The following MORC2 variants were observed in gnomAD, a reference collection of about 807,000 sequenced individuals.
MORC2 encodes the protein ATPase MORC2.
A neutral mutation model predicts 136.0 loss-of-function variants in MORC2; 30 were observed. The ratio of observed to expected loss-of-function variants is 0.22; its 90% CI spans 0.17 to 0.30. MORC2 has a LOEUF of 0.30. MORC2 is among the 10% of genes least tolerant of loss of function. MORC2 has a pLI of 1.00. For synonymous variants in MORC2, 439 were observed against 487.0 expected, an observed-to-expected ratio of 0.90 and a Z score of 1.30; for missense variants, 922 against 1,333.1, an observed-to-expected ratio of 0.69 and a Z score of 4.80.
In MORC2 at chr22:30,932,788, TTA is replaced by T. The variant is rs2040594639; in HGVS notation, c.2523-21_2523-20del. Reference sequence around the variant, plus strand: ...CTCCACCCTGTGGAAGACACACAGCTTATGTCATGTCTGACCCGGGCTCCCAG... The same window carrying T: ...CTCCACCCTGTGGAAGACACACAGCTTGTCATGTCTGACCCGGGCTCCCAG... On this transcript the variant is annotated intron_variant, in intron 22 of 25. Transcript: ENST00000397641. This position sits in a 1 kb window ranked among gnomAD's most constrained non-coding sequence, Gnocchi z 4.4. The T allele has an allele frequency of 6.2e-7, 1 of 1,613,816 alleles. No individual in the cohort carries two copies. Among genetic ancestry groups the T allele is most frequent in the Admixed American group, 1.7e-5 (1 of 60,020 alleles).
At position 30,928,112 on chromosome 22, in the gene MORC2, G is replaced by A; in HGVS notation, c.2937C>T (p.Ser979=). The stretch of plus-strand genomic sequence containing the variant: ...GGAGCTTCCTCTCGGAGGTGCGCAG[G>A]CTTTCCTCGGAGGCCTTGGCCCGGG... ...ADSRAKASEE[S]LRTSERKLRE... Residue 979 remains serine, a synonymous_variant, in exon 25 of 26, where the codon AGC becomes AGT. Transcript: ENST00000397641. The A allele has an allele frequency of 6.2e-7, 1 of 1,614,068 alleles. No homozygotes were observed. Among genetic ancestry groups the A allele is most frequent in the Non-Finnish European group, 8.5e-7 (1 of 1,180,026 alleles).
chr22:30,943,720 C>T (rs771432077), intron 6 of MORC2, among the ~76,000 whole-genome samples: 4 of 152,140 alleles, frequency 2.6e-5, no homozygotes, highest in Non-Finnish European at 5.9e-5. Flanking sequence ...AGTTCTGAGA[C>T]ATTTTGCTGG....
At chr22:30,963,692 C>T (rs182060198) in intron 1 of MORC2, among the ~76,000 whole-genome samples, 124 of 152,236 alleles carry the variant, frequency 8.1e-4, no homozygotes, top group African/African-American at 2.9e-3. Context: ...TGGCTGATCA[C>T]GGCTTTTATA....
chr22:30,950,354 A>ACAC, intron 4 of MORC2, 23 bp downstream of exon 4: 1 of 377,692 alleles, frequency 2.6e-6, no homozygotes, highest in Non-Finnish European at 3.9e-6. Context: ...CCCACCCCCC[A>ACAC]AAACAATAAT....
At chr22:30,958,584 C>T in intron 2 of MORC2, 57 bp downstream of exon 2, 1 of 1,403,274 alleles carries the variant, frequency 7.1e-7, no homozygotes, top group South Asian at 1.3e-5. Flanking sequence ...GCAAAGGTCA[C>T]AGCTACCTAA....
rs1026947338 is a variant in MORC2 at position 30,933,954 on chromosome 22, A to G, written c.2325+106T>C. Reference sequence around the variant, plus strand: ...GGGGTAGACTGCTGGTGGGTTGTGTAGACTGCTGGTGGATGGTATAGACTG... The same window carrying G: ...GGGGTAGACTGCTGGTGGGTTGTGTGGACTGCTGGTGGATGGTATAGACTG... On this transcript the variant is annotated intron_variant, in intron 20 of 25. Transcript: ENST00000397641. 2.8e-5 allele frequency: 40 copies of G among 1,417,518 alleles called. No homozygotes were observed. In the African/African-American group the frequency reaches 5.6e-4, roughly 20 times the overall value. 87.8% of individuals were successfully genotyped at this position (1,417,518 alleles called of 1,614,324 possible).
At chr22:30,950,353 C>CAAAAAAAAAA in intron 4 of MORC2, 24 bp downstream of exon 4, 2 of 1,481,886 alleles carry the variant, frequency 1.3e-6, no homozygotes, top group Non-Finnish European at 1.9e-6. Flanking sequence ...CCCCACCCCC[C>CAAAAAAAAAA]AAAACAATAA....
At chr22:30,967,566 T>C (rs576701782) in intron 1 of MORC2, 44 of 1,300,516 alleles carry the variant, frequency 3.4e-5, no homozygotes, top group Non-Finnish European at 3.8e-5. Context: ...ACTCAACATA[T>C]TGACTTCAAA....
intron 12 of MORC2, 80 bp from the exon 13 acceptor site, chr22:30,938,285 C>T: frequency 6.5e-7 from 1 of 1,536,346 alleles, no homozygotes; most frequent in South Asian, 1.2e-5. Flanking sequence ...TAAGCTTAAG[C>T]TTAAACTTGA....
intron 6 of MORC2, among the ~76,000 whole-genome samples, chr22:30,944,924 G>A (rs1007639338): frequency 2.6e-5 from 4 of 152,124 alleles, no homozygotes; most frequent in African/African-American, 7.2e-5. Context: ...CCACACAATC[G>A]CTACATGGAC....
At chr22:30,940,417 C>CGA (rs1477117853) in intron 10 of MORC2, among the ~76,000 whole-genome samples, 1 of 152,140 alleles carries the variant, frequency 6.6e-6, no homozygotes, top group African/African-American at 2.4e-5. Flanking sequence ...CCCTGAACAG[C>CGA]GAGAGAGCCC....
In MORC2 at chr22:30,932,614, C is replaced by T. The variant is rs202243108; in HGVS notation, c.2678G>A (p.Arg893His). The change falls in exon 23 of 26, where the codon CGC becomes CAC. Residue 893 changes from arginine to histidine, a missense_variant. Arg to His is a conservative substitution (Grantham distance 29). Coordinates refer to ENST00000397641, the MANE Select transcript of MORC2 (RefSeq NM_001303256.3). This position sits in a 1 kb window ranked among gnomAD's most constrained non-coding sequence, Gnocchi z 4.4. ...VAEPSTSECL[R>H]IEPDTTALST... ...CAGGGCAGTGGTGTCAGGCTCAATG[C>T]GGAGGCATTCGGAAGTGGAGGGCTC... 4.3e-5 allele frequency: 69 copies of T among 1,614,128 alleles called. No homozygotes were observed. The East Asian group carries it at 6.9e-4, about 16-fold the overall frequency.
At chr22:30,942,052 C>A in intron 7 of MORC2, 50 bp from the exon 8 acceptor site, 1 of 1,610,338 alleles carries the variant, frequency 6.2e-7, no homozygotes. Context: ...CCCACCCCCA[C>A]ACTACTTGTG....
At chr22:30,942,842 T>C (rs1436244583) in intron 6 of MORC2, among the ~76,000 whole-genome samples, 6 of 151,840 alleles carry the variant, frequency 4.0e-5, no homozygotes, top group Non-Finnish European at 7.4e-5. Context: ...CGGTCTCCAC[T>C]AAAATACAAA....
chr22:30,937,497 C>A lies in MORC2; in HGVS notation c.1498+86G>T. On this transcript the variant is annotated intron_variant, in intron 15 of 25. Transcript: ENST00000397641. The surrounding 1 kb of genome is among the most constrained non-coding windows in gnomAD (Gnocchi z 4.7). The stretch of plus-strand genomic sequence containing the variant: ...GGACTGTAAGTCCATGAATGTCAGT[C>A]AAGTTAGGAGGCTGGCAGGAAGATA... 1.9e-6 allele frequency: 3 copies of A among 1,548,552 alleles called. No homozygotes were observed. Among genetic ancestry groups the A allele is most frequent in the Non-Finnish European group, 2.6e-6 (3 of 1,148,878 alleles).
At chr22:30,947,230 T>C (rs1294028903) in intron 5 of MORC2, among the ~76,000 whole-genome samples, 2 of 152,248 alleles carry the variant, frequency 1.3e-5, no homozygotes, top group Admixed American at 1.3e-4. Context: ...GAACTGTGCC[T>C]TGAGGCTGAT....
At position 30,939,602 on chromosome 22, in the gene MORC2, G is replaced by C; in HGVS notation, c.1073+19C>G. 6.2e-7 allele frequency: 1 copy of C among 1,611,910 alleles called. No individual in the cohort carries two copies. The highest frequency in any genetic ancestry group is 8.5e-7 in the Non-Finnish European group (1 of 1,178,866). ...AGCTACGTCAGTTTAAAAGATCCAA[G>C]GACAGGCCTGGCACTCACCGCTGCT... is the stretch of plus-strand genomic sequence containing the variant. On this transcript the variant is annotated intron_variant, in intron 12 of 25. Transcript: ENST00000397641.
rs182799461 is a variant in MORC2 at position 30,938,838 on chromosome 22, G to A, written c.1074-633C>T. 8.5e-4 allele frequency among the ~76,000 whole-genome samples: 130 copies of A among 152,184 alleles called. 1 individual carries two copies. In the Middle Eastern group the frequency reaches 0.01, roughly 12 times the overall value. On this transcript the variant is annotated intron_variant, in intron 12 of 25. Coordinates refer to ENST00000397641, the MANE Select transcript of MORC2 (RefSeq NM_001303256.3). ...CCCACCTCAGCCTCCCAAAGTGCTG[G>A]GATTACAGGCGTGAGCCACCGTGCC... is the stretch of plus-strand genomic sequence containing the variant.
chr22:30,939,822 A>C, intron 11 of MORC2, 116 bp from the exon 12 acceptor site: 1 of 1,342,832 alleles, frequency 7.4e-7, no homozygotes, highest in Non-Finnish European at 1.0e-6. Context: ...CCACACCTGG[A>C]AATTTACTTC....
Sources: gnomAD v4.1 joint callset for allele counts (sites outside exome capture counted in the v4.1 genomes callset) on GRCh38, gnomAD v4.1.1 for gene constraint, Gnocchi (gnomAD v3.1) non-coding constraint, MANE v1.5 for transcripts, NCBI Gene and HGNC (gene_info 2026-07-23, HGNC 2026-07-21) for gene names.